The following SLC36A4 variants were observed in gnomAD, a reference collection of about 807,000 sequenced individuals.
SLC36A4 encodes the protein neutral amino acid uniporter 4.
SLC36A4 carries 49 observed loss-of-function variants against 50.5 expected under a neutral mutation model. The ratio of observed to expected loss-of-function variants is 0.97; its 90% CI spans 0.77 to 1.23. SLC36A4 has a LOEUF of 1.23. SLC36A4 is among the 50% of genes most tolerant of loss of function. The pLI, the probability that SLC36A4 is intolerant of heterozygous loss-of-function variation, is 0.00. For synonymous variants in SLC36A4, 207 were observed against 206.5 expected (o/e 1.00, Z -0.02); for missense variants, 611 against 608.4 (o/e 1.00, Z -0.05).
chr11:93,167,374 A>C (rs965982836), intron 7 of SLC36A4: 10 of 152,162 alleles, frequency 6.6e-5, no homozygotes, highest in African/African-American at 2.4e-4. Flanking sequence ...TAAATCTTGC[A>C]AACTATTTTA....
chr11:93,182,607 T>C (rs974214070), intron 4 of SLC36A4, among the ~76,000 whole-genome samples, 199 bp downstream of exon 4: 3 of 152,124 alleles, frequency 2.0e-5, no homozygotes, highest in Non-Finnish European at 2.9e-5. Context: ...ATTTCACTAA[T>C]AAGGCTACCT....
chr11:93,181,192 C>T (rs546772059), intron 5 of SLC36A4, among the ~76,000 whole-genome samples: 4 of 152,026 alleles, frequency 2.6e-5, no homozygotes, highest in Admixed American at 6.6e-5. Context: ...ATTCATCTTA[C>T]TTTGATTTGC....
intron 1 of SLC36A4, among the ~76,000 whole-genome samples, chr11:93,187,180 T>C (rs1381179709): frequency 6.6e-6 from 1 of 152,156 alleles, no homozygotes; most frequent in Non-Finnish European, 1.5e-5. Context: ...TATGCTACTT[T>C]TGAGAAATCT....
At chr11:93,165,675 A>C (rs987278289) in intron 8 of SLC36A4, among the ~76,000 whole-genome samples, 1 of 152,120 alleles carries the variant, frequency 6.6e-6, no homozygotes, top group African/African-American at 2.4e-5. Flanking sequence ...TGATCTGGCT[A>C]ATTTCTTCAT....
At chr11:93,154,086 A>G (rs1286117897) in intron 10 of SLC36A4, 22 bp downstream of exon 10, 3 of 1,160,056 alleles carry the variant, frequency 2.6e-6, no homozygotes, top group Middle Eastern at 6.0e-4. Context: ...TTATTATGAT[A>G]TAAATATATA....
At chr11:93,183,705 T>A (rs1486417569) in intron 3 of SLC36A4, among the ~76,000 whole-genome samples, 1 of 146,350 alleles carries the variant, frequency 6.8e-6, no homozygotes, top group East Asian at 2.0e-4. Flanking sequence ...TATTTATTTA[T>A]TTTTTTTTTT....
At chr11:93,192,154 C>T (rs1291985742) in intron 1 of SLC36A4, among the ~76,000 whole-genome samples, 1 of 152,166 alleles carries the variant, frequency 6.6e-6, no homozygotes, top group Non-Finnish European at 1.5e-5. Flanking sequence ...AGGAGAAACA[C>T]AAGGATTGAG....
chr11:93,180,698 AC>A lies in SLC36A4; in HGVS notation c.540+98del. The stretch of plus-strand genomic sequence containing the variant: ...AAGGAAGATCATTTATGAAAGGAAC[AC>A]ATTTTCAAATTCAACTGTGGCTTCC... On this transcript the variant is annotated intron_variant, in intron 6 of 10. Coordinates refer to ENST00000326402, the MANE Select transcript of SLC36A4 (RefSeq NM_152313.4). 5 of 817,130 alleles carry A rather than the reference AC, an allele frequency of 6.1e-6. No homozygotes were observed. In the South Asian group the frequency reaches 8.0e-5, roughly 13 times the overall value. 50.6% of individuals were successfully genotyped at this position (817,130 alleles called of 1,614,324 possible). A position where few individuals can be genotyped will look rare whatever the true frequency, so the allele number is the denominator to read the frequency against.
At chr11:93,189,909 T>A (rs767165800) in intron 1 of SLC36A4, among the ~76,000 whole-genome samples, 1 of 152,216 alleles carries the variant, frequency 6.6e-6, no homozygotes, top group African/African-American at 2.4e-5. Flanking sequence ...AAATCTAGAA[T>A]TGTTAAAATT....
intron 8 of SLC36A4, among the ~76,000 whole-genome samples, chr11:93,163,746 C>A (rs147480140): frequency 1.3e-5 from 2 of 151,748 alleles, no homozygotes; most frequent in African/African-American, 2.4e-5. Flanking sequence ...AGTTCTATCG[C>A]CTGGAGGGAG....
chr11:93,174,617 G>A lies in SLC36A4; in HGVS notation c.540+6180C>T, dbSNP rs1362031341. ...GATAGCTCTTATTATTTTGAAATACGTCCCATCAATACCTAATTTATTGAG... is the reference window on the plus strand; with the variant it reads ...GATAGCTCTTATTATTTTGAAATACATCCCATCAATACCTAATTTATTGAG... On this transcript the variant is annotated intron_variant, in intron 6 of 10. Transcript: ENST00000326402. Among the ~76,000 whole-genome samples the A allele has an allele frequency of 3.1e-4, 44 of 140,788 alleles. 1 individual carries two copies. Among genetic ancestry groups the A allele is most frequent in the East Asian group, 1.3e-3 (6 of 4,582 alleles). The allele number at this position is 140,788 out of a possible 152,430, so 92.4% of individuals were successfully genotyped here.
chr11:93,163,445 G>A (rs955442178), intron 8 of SLC36A4, among the ~76,000 whole-genome samples: 5 of 152,110 alleles, frequency 3.3e-5, no homozygotes, highest in East Asian at 1.9e-4. Context: ...AGGAGTACTG[G>A]TTTGGTATTT....
Position 93,162,771 on chromosome 11 carries a change from T to C in SLC36A4, c.972A>G (p.Leu324=). The change falls in exon 9 of 11, where the codon TTA becomes TTG. Residue 324 remains leucine, a synonymous_variant. Coordinates refer to ENST00000326402, the MANE Select transcript of SLC36A4 (RefSeq NM_152313.4). ...TTTCATCATGGAAACACATATATCC[T>C]AAAGTAGCTAATGTTACATACAAAG... The part of the protein sequence containing the change: ...VTTLYVTLAT[L]GYMCFHDEIK... The C allele has an allele frequency of 1.2e-6, 2 of 1,613,654 alleles. No individual in the cohort carries two copies. Among genetic ancestry groups the C allele is most frequent in the Non-Finnish European group, 1.7e-6 (2 of 1,179,748 alleles).
intron 5 of SLC36A4, 69 bp downstream of exon 5, chr11:93,181,622 G>T (rs1232915808): frequency 1.8e-6 from 2 of 1,129,310 alleles, no homozygotes; most frequent in East Asian, 3.0e-5. Context: ...TATATATATT[G>T]TTAGGTTAAA....
rs1861956389 is a variant in SLC36A4, at chr11:93,185,734, G to A, written c.136C>T (p.Pro46Ser). The A allele has an allele frequency of 6.2e-7, 1 of 1,608,354 alleles. No individual in the cohort carries two copies. ...SDEEHEQELL[P>S]VQKHYQLDDQ... ...TCAAGTTGGTAATGCTTCTGAACAG[G>A]CAGAAGCTCTTGCTCATGTTCTTCA... Residue 46 changes from proline to serine, a missense_variant, in exon 2 of 11, where the codon CCT becomes TCT. Transcript: ENST00000326402.
At chr11:93,182,982 C>T (rs1861803311) in intron 3 of SLC36A4, 88 bp from the exon 4 acceptor site, 2 of 862,274 alleles carry the variant, frequency 2.3e-6, no homozygotes, top group East Asian at 2.6e-5. Context: ...TATTCACGTG[C>T]AGTGAATAAA....
At chr11:93,165,141 A>C (rs889349500) in intron 8 of SLC36A4, among the ~76,000 whole-genome samples, 2 of 152,164 alleles carry the variant, frequency 1.3e-5, no homozygotes, top group African/African-American at 2.4e-5. Context: ...AAAATGTTAT[A>C]AAATTTTATT....
intron 1 of SLC36A4, among the ~76,000 whole-genome samples, chr11:93,187,022 G>A (rs1862012398): frequency 6.6e-6 from 1 of 152,096 alleles, no homozygotes; most frequent in African/African-American, 2.4e-5. Context: ...GGTCTCATGG[G>A]CACAGTGTTC....
chr11:93,151,625 G>T (rs1026787593), intron 10 of SLC36A4, among the ~76,000 whole-genome samples: 1 of 151,964 alleles, frequency 6.6e-6, no homozygotes. Context: ...TTAAATGAAG[G>T]ATTTTAGTGG....
Sources: allele counts gnomAD v4.1 joint callset (sites outside exome capture counted in the v4.1 genomes callset), GRCh38; gene constraint gnomAD v4.1.1; transcripts MANE v1.5; gene names NCBI Gene and HGNC (gene_info 2026-07-23, HGNC 2026-07-21).